The following SIMC1 variants were observed in gnomAD, a reference collection of about 807,000 sequenced individuals.
SIMC1 encodes the protein SUMO interacting motifs containing 1.
In SIMC1, 55 loss-of-function variants were observed where a neutral mutation model predicts 82.3. The observed-to-expected ratio is 0.67, with a 90% CI of 0.54 to 0.84. The LOEUF is 0.84. SIMC1 is among the 40% of genes least tolerant of loss of function. SIMC1 has a pLI of 0.00. For synonymous variants in SIMC1, 353 were observed against 426.3 expected, an observed-to-expected ratio of 0.83 and a Z score of 2.12; for missense variants, 915 against 1,107.2, an observed-to-expected ratio of 0.83 and a Z score of 2.46.
chr5:176,336,768 GT>G lies in SIMC1; in HGVS notation c.2222del (p.Leu741Ter), dbSNP rs754121478. On this transcript the variant is annotated frameshift_variant, in exon 8 of 10. Transcript: ENST00000429602. LOFTEE classifies it high-confidence loss of function. ...AAAGCCACCTTCTGCGCTGCAAAGT[GT>G]TAGAAATCATATTCCTCCACAGCTG... is the stretch of plus-strand genomic sequence containing the variant. ...MESHLLRCKV[L>X]EIIFLHSCET... 91 of 1,613,874 alleles carry G rather than the reference GT, an allele frequency of 5.6e-5. No homozygotes were observed. The highest frequency in any genetic ancestry group is 7.5e-5 in the Non-Finnish European group (88 of 1,179,912).
chr5:176,304,539 A>T, intron 4 of SIMC1: 1 of 152,470 alleles, frequency 6.6e-6, no homozygotes, highest in Non-Finnish European at 1.5e-5. Context: ...GCTCACTACA[A>T]CCTACACCTC....
Position 176,296,278 on chromosome 5 carries a change from G to A in SIMC1, c.1692G>A (p.Val564=). 3.7e-6 allele frequency: 6 copies of A among 1,613,548 alleles called. No homozygotes were observed. Among genetic ancestry groups the A allele is most frequent in the Non-Finnish European group, 3.4e-6 (4 of 1,179,564 alleles). ...QQLHPANAKT[V]EWDWKLLTYV... ...TACATCCAGCCAATGCCAAGACAGT[G>A]GAGTGGGACTGGAAACTGCTCACCT... The change falls in exon 4 of 10, where the codon GTG becomes GTA. Residue 564 remains valine, a synonymous_variant. Transcript: ENST00000429602.
chr5:176,324,578 G>T (rs1765294456), intron 6 of SIMC1, 51 bp from the exon 7 acceptor site: 10 of 1,576,790 alleles, frequency 6.3e-6, no homozygotes, highest in South Asian at 1.2e-5. Flanking sequence ...GCCAGAGAGT[G>T]GCTCCTTGCC....
intron 7 of SIMC1, 100 bp from the exon 8 acceptor site, chr5:176,336,620 C>CT (rs1765907205): frequency 4.0e-6 from 6 of 1,489,080 alleles, no homozygotes; most frequent in Middle Eastern, 1.9e-4. Context: ...TCTTAACTGT[C>CT]TTTTTTAGGA....
chr5:176,302,556 A>C (rs1158677549), intron 4 of SIMC1, among the ~76,000 whole-genome samples: 1 of 152,216 alleles, frequency 6.6e-6, no homozygotes, highest in Non-Finnish European at 1.5e-5. Flanking sequence ...TAGACAGAGC[A>C]GTTAGTCAAG....
intron 4 of SIMC1, among the ~76,000 whole-genome samples, chr5:176,303,500 T>TA (rs1410658595): frequency 2.0e-5 from 3 of 152,056 alleles, no homozygotes; most frequent in Non-Finnish European, 4.4e-5. Flanking sequence ...TTTGTATTTT[T>TA]AATAGAGACG....
intron 3 of SIMC1, 76 bp downstream of exon 3, chr5:176,295,338 G>A (rs912174601): frequency 4.7e-6 from 7 of 1,494,586 alleles, no homozygotes; most frequent in African/African-American, 4.3e-5. Flanking sequence ...CTCTTGACAG[G>A]CTTTTTTAAC....
intron 5 of SIMC1, among the ~76,000 whole-genome samples, chr5:176,321,000 C>G (rs755241948): frequency 6.6e-6 from 1 of 152,172 alleles, no homozygotes; most frequent in African/African-American, 2.4e-5. Flanking sequence ...AATTACCTCA[C>G]CCCTCATCCA....
intron 1 of SIMC1, among the ~76,000 whole-genome samples, chr5:176,287,379 A>G (rs1044368346): frequency 1.4e-4 from 21 of 152,214 alleles, no homozygotes; most frequent in Non-Finnish European, 2.8e-4. Context: ...TATCGCAAGG[A>G]CAGAAAACCA....
chr5:176,286,212 C>T (rs1299759160), intron 1 of SIMC1, among the ~76,000 whole-genome samples: 2 of 152,274 alleles, frequency 1.3e-5, no homozygotes, highest in African/African-American at 4.8e-5. Flanking sequence ...AAGCTGGAGG[C>T]ATCATGCTAC....
intron 7 of SIMC1, among the ~76,000 whole-genome samples, chr5:176,328,679 C>T (rs1765497978): frequency 1.3e-5 from 2 of 151,722 alleles, no homozygotes; most frequent in South Asian, 2.1e-4. Context: ...TCACAGGGTG[C>T]CAAAAATGGA....
At chr5:176,303,695 G>A (rs1581277357) in intron 4 of SIMC1, among the ~76,000 whole-genome samples, 1 of 152,148 alleles carries the variant, frequency 6.6e-6, no homozygotes, top group East Asian at 1.9e-4. Context: ...TAAAGCTACA[G>A]TACTCAAAAC....
At chr5:176,302,201 A>G (rs2113300640) in intron 4 of SIMC1, among the ~76,000 whole-genome samples, 1 of 152,320 alleles carries the variant, frequency 6.6e-6, no homozygotes, top group Non-Finnish European at 1.5e-5. Context: ...TGGATGCAGA[A>G]CCCACAGATA....
intron 1 of SIMC1, among the ~76,000 whole-genome samples, chr5:176,259,721 C>T (rs1225515953): frequency 9.3e-5 from 14 of 151,136 alleles, no homozygotes; most frequent in Admixed American, 7.2e-4. Flanking sequence ...TGCAGTGAGC[C>T]GAAATCGTGC....
At chr5:176,333,737 A>G (rs902856418) in intron 7 of SIMC1, among the ~76,000 whole-genome samples, 1 of 151,952 alleles carries the variant, frequency 6.6e-6, no homozygotes, top group African/African-American at 2.4e-5. Context: ...GCCTAAATAC[A>G]GATTTTTAAT....
At chr5:176,309,015 G>A in intron 4 of SIMC1, 1 of 795,044 alleles carries the variant, frequency 1.3e-6, no homozygotes, top group Non-Finnish European at 2.3e-6. Context: ...CTGGAATAAA[G>A]CAGGAGACAA....
At chr5:176,326,870 A>C (rs1321383651) in intron 7 of SIMC1, among the ~76,000 whole-genome samples, 1 of 152,148 alleles carries the variant, frequency 6.6e-6, no homozygotes, top group African/African-American at 2.4e-5. Context: ...TGGCAATGTT[A>C]TCTCTATTTA....
chr5:176,266,686 CTGAG>C (rs1762225013), intron 1 of SIMC1, among the ~76,000 whole-genome samples: 1 of 96,410 alleles, frequency 1.0e-5, no homozygotes, highest in Non-Finnish European at 2.0e-5. Context: ...GAAACTGACT[CTGAG>C]TGAGCCTAGT....
chr5:176,298,680 T>G (rs1763920356), intron 4 of SIMC1, among the ~76,000 whole-genome samples: 2 of 152,138 alleles, frequency 1.3e-5, no homozygotes, highest in South Asian at 4.1e-4. Flanking sequence ...TTTTAAGACA[T>G]TGATAATATA....
Sources: allele counts gnomAD v4.1 joint callset (sites outside exome capture counted in the v4.1 genomes callset), GRCh38; gene constraint gnomAD v4.1.1; transcripts MANE v1.5; gene names NCBI Gene and HGNC (gene_info 2026-07-23, HGNC 2026-07-21).